The following PDE1C variants were observed in gnomAD, a reference collection of about 807,000 sequenced individuals.
PDE1C encodes phosphodiesterase 1C, also known as dual specificity calcium/calmodulin-dependent 3',5'-cyclic nucleotide phosphodiesterase 1C.
Under a neutral mutation model 93.1 loss-of-function variants are expected in PDE1C, and 62 were observed. The ratio of observed to expected loss-of-function variants is 0.67; its 90% CI spans 0.54 to 0.82. PDE1C has a LOEUF of 0.82. PDE1C is among the 40% of genes least tolerant of loss of function. The pLI, the probability that PDE1C is intolerant of heterozygous loss-of-function variation, is 0.00. For missense variants in PDE1C, 742 were observed against 884.6 expected (o/e 0.84, Z 2.04); for synonymous variants, 325 against 310.1 (o/e 1.05, Z -0.50).
At chr7:31,991,684 C>G (rs1784157976) in intron 2 of PDE1C, among the ~76,000 whole-genome samples, 1 of 152,116 alleles carries the variant, frequency 6.6e-6, no homozygotes, top group African/African-American at 2.4e-5. Context: ...AAAATGACCT[C>G]TGTTGTAGGG....
At chr7:32,407,111 T>C (rs538043783) in intron 1 of PDE1C, among the ~76,000 whole-genome samples, 11 of 152,140 alleles carry the variant, frequency 7.2e-5, no homozygotes, top group African/African-American at 2.6e-4. Flanking sequence ...CTGCCTCTAC[T>C]AAAAATGCAA....
the PDE1C span, among the ~76,000 whole-genome samples, chr7:31,711,731 C>T: frequency 0.14 from 22,000 of 152,086 alleles, 1,685 homozygotes; most frequent in East Asian, 0.23. Context: ...TGTCTTCCCT[C>T]GCCCCACTCC....
chr7:32,269,511 G>A (rs1377921825), intron 1 of PDE1C, among the ~76,000 whole-genome samples: 3 of 151,766 alleles, frequency 2.0e-5, no homozygotes, highest in Admixed American at 6.6e-5. Context: ...ATGGAGTCTC[G>A]CTCTGTCACC....
intron 1 of PDE1C, among the ~76,000 whole-genome samples, chr7:32,412,230 G>A (rs1451642480): frequency 6.6e-6 from 1 of 152,068 alleles, no homozygotes; most frequent in African/African-American, 2.4e-5. Context: ...TGAGGCAGGC[G>A]GATTACCTGA....
chr7:31,853,727 T>G (rs528019684), intron 7 of PDE1C, among the ~76,000 whole-genome samples: 20 of 151,868 alleles, frequency 1.3e-4, no homozygotes, highest in Admixed American at 3.9e-4. Flanking sequence ...TTGTTTTTTT[T>G]TAAACAGGGT....
At chr7:31,680,776 G>A in the PDE1C span, among the ~76,000 whole-genome samples, 1 of 152,078 alleles carries the variant, frequency 6.6e-6, no homozygotes, top group South Asian at 2.1e-4. Flanking sequence ...CCCAGAGGCT[G>A]GACAAAAAAT....
chr7:31,968,189 T>A (rs1055507990), intron 2 of PDE1C, among the ~76,000 whole-genome samples: 1 of 152,186 alleles, frequency 6.6e-6, no homozygotes, highest in African/African-American at 2.4e-5. Context: ...GCAGATGACA[T>A]GACTGTATAT....
At position 32,372,259 on chromosome 7, in the gene PDE1C, G is replaced by T. The variant is rs368068235; in HGVS notation, c.310+55563C>A. ...AATAGAGATGGGGTTTCACCATGTT[G>T]GCCAGGCTGGTCTTGAACTCCTGGT... On this transcript the variant is annotated intron_variant, in intron 1 of 1. Transcript: ENST00000672256. Among the ~76,000 whole-genome samples, 339 of 152,094 alleles carry T rather than the reference G, an allele frequency of 2.2e-3. 1 individual carries two copies. The highest frequency in any genetic ancestry group is 7.6e-3 in the African/African-American group (317 of 41,496).
the PDE1C span, among the ~76,000 whole-genome samples, chr7:31,694,399 C>CACACACACACACACAT: frequency 6.6e-6 from 1 of 151,836 alleles, no homozygotes; most frequent in African/African-American, 2.4e-5. Context: ...CACACACACA[C>CACACACACACACACAT]ACACACACAC....
At chr7:31,807,877 C>A (rs1031333790) in intron 16 of PDE1C, among the ~76,000 whole-genome samples, 1 of 151,322 alleles carries the variant, frequency 6.6e-6, no homozygotes, top group African/African-American at 2.4e-5. Context: ...CACAATTATT[C>A]AAGAAGGGTA....
chr7:32,282,180 G>T (rs1276513511), intron 1 of PDE1C, among the ~76,000 whole-genome samples: 1 of 150,570 alleles, frequency 6.6e-6, no homozygotes, highest in Non-Finnish European at 1.5e-5. Context: ...AAGAAAGAAA[G>T]AAATATAGAT....
the PDE1C span, among the ~76,000 whole-genome samples, chr7:31,744,819 A>G: frequency 6.6e-6 from 1 of 152,164 alleles, no homozygotes; most frequent in Non-Finnish European, 1.5e-5. Context: ...AATTCGGGAA[A>G]CTGCAGTACT....
chr7:32,204,075 A>C (rs944047247), intron 2 of PDE1C, among the ~76,000 whole-genome samples: 17 of 152,158 alleles, frequency 1.1e-4, no homozygotes, highest in African/African-American at 4.1e-4. Flanking sequence ...TTACTAAATA[A>C]AATAAGGGTG....
chr7:31,944,686 C>G (rs73686841), intron 2 of PDE1C, among the ~76,000 whole-genome samples: 4,973 of 152,258 alleles, frequency 0.033, 147 homozygotes, highest in African/African-American at 0.08. Flanking sequence ...TATATTCTTA[C>G]TTTGCATAAG....
chr7:31,906,061 T>C (rs1237414466), intron 2 of PDE1C, among the ~76,000 whole-genome samples: 2 of 152,180 alleles, frequency 1.3e-5, no homozygotes, highest in Non-Finnish European at 1.5e-5. Flanking sequence ...TATACCTCTT[T>C]CCTTTATAAA....
chr7:31,701,692 T>C, the PDE1C span, among the ~76,000 whole-genome samples: 1 of 152,238 alleles, frequency 6.6e-6, no homozygotes, highest in African/African-American at 2.4e-5. Context: ...CTTGAGAGAT[T>C]GCCACAGCCA....
the PDE1C span, among the ~76,000 whole-genome samples, chr7:31,737,357 C>T: frequency 6.6e-6 from 1 of 152,164 alleles, no homozygotes; most frequent in Non-Finnish European, 1.5e-5. Context: ...CTAGTTTGGT[C>T]TCTTTGCTTC....
intron 1 of PDE1C, among the ~76,000 whole-genome samples, chr7:32,387,425 G>C (rs2128091947): frequency 6.6e-6 from 1 of 151,780 alleles, no homozygotes; most frequent in African/African-American, 2.4e-5. Context: ...CGGGCAGAGG[G>C]GCTCCTCACT....
intron 12 of PDE1C, among the ~76,000 whole-genome samples, chr7:31,826,179 C>G (rs1789638713): frequency 6.6e-6 from 1 of 152,158 alleles, no homozygotes; most frequent in African/African-American, 2.4e-5. Flanking sequence ...AAATGTTGTC[C>G]ATTCTCCTTC....
Sources: gnomAD v4.1 joint callset for allele counts (sites outside exome capture counted in the v4.1 genomes callset) on GRCh38, gnomAD v4.1.1 for gene constraint, MANE v1.5 for transcripts, NCBI Gene and HGNC (gene_info 2026-07-23, HGNC 2026-07-21) for gene names.